The following MALRD1 variants were observed in gnomAD, a reference collection of about 807,000 sequenced individuals.
MALRD1 encodes the protein MAM and LDL receptor class A domain containing 1.
Under a neutral mutation model 242.1 loss-of-function variants are expected in MALRD1, and 247 were observed. That is an observed-to-expected ratio of 1.02 (90% confidence interval 0.92 to 1.13). The LOEUF (loss-of-function observed/expected upper bound fraction) is 1.13. MALRD1 is among the 50% of genes most tolerant of loss of function. The pLI, the probability that MALRD1 is intolerant of heterozygous loss-of-function variation, is 0.00. For missense variants in MALRD1, 2,989 were observed against 2,533.1 expected (o/e 1.18, Z -3.86); for synonymous variants, 995 against 866.6 (o/e 1.15, Z -2.60).
chr10:19,587,899 C>G (rs1837521352), intron 33 of MALRD1, among the ~76,000 whole-genome samples: 1 of 137,408 alleles, frequency 7.3e-6, no homozygotes, highest in Non-Finnish European at 1.6e-5. Context: ...TCCTAAATTC[C>G]TTATCCTAGG....
At chr10:19,674,263 G>C (rs987582474) in intron 36 of MALRD1, among the ~76,000 whole-genome samples, 6 of 152,160 alleles carry the variant, frequency 3.9e-5, no homozygotes, top group African/African-American at 1.4e-4. Flanking sequence ...TGGTTTGATA[G>C]GATATGATGC....
chr10:19,284,318 G>A (rs1840986959), intron 21 of MALRD1, among the ~76,000 whole-genome samples: 1 of 149,254 alleles, frequency 6.7e-6, no homozygotes, highest in Non-Finnish European at 1.5e-5. Context: ...CGTTACATAT[G>A]TATACATGTG....
At chr10:19,496,366 C>T (rs1837721107) in intron 30 of MALRD1, among the ~76,000 whole-genome samples, 1 of 152,074 alleles carries the variant, frequency 6.6e-6, no homozygotes, top group African/African-American at 2.4e-5. Flanking sequence ...TACCAACCAT[C>T]ACAGCACAAT....
intron 18 of MALRD1, among the ~76,000 whole-genome samples, chr10:19,214,182 TG>T (rs1288692693): frequency 6.6e-6 from 1 of 152,196 alleles, no homozygotes; most frequent in Non-Finnish European, 1.5e-5. Flanking sequence ...TGAGAGCTCA[TG>T]TCAACATGGT....
chr10:19,137,525 G>C (rs1291846109), intron 10 of MALRD1, among the ~76,000 whole-genome samples: 2 of 147,728 alleles, frequency 1.4e-5, no homozygotes, highest in Non-Finnish European at 3.0e-5. Context: ...AGAACTGCCT[G>C]AACATGGGAG....
chr10:19,666,344 G>A (rs1374659837), intron 36 of MALRD1, among the ~76,000 whole-genome samples: 1 of 151,838 alleles, frequency 6.6e-6, no homozygotes, highest in Admixed American at 6.6e-5. Flanking sequence ...TCACATTCTG[G>A]ACGTTGTCAT....
At chr10:19,296,588 A>T (rs551614542) in intron 21 of MALRD1, among the ~76,000 whole-genome samples, 1 of 152,240 alleles carries the variant, frequency 6.6e-6, no homozygotes, top group Admixed American at 6.6e-5. Flanking sequence ...AAGGAAATGG[A>T]TTTAAGGCAT....
chr10:19,718,143 GGAA>G (rs1834497695), intron 38 of MALRD1, among the ~76,000 whole-genome samples: 1 of 148,846 alleles, frequency 6.7e-6, no homozygotes, highest in South Asian at 2.1e-4. Context: ...AAGAGGAAGA[GGAA>G]GAAGAGGAAG....
chr10:19,456,131 T>C (rs1835636018), intron 29 of MALRD1, among the ~76,000 whole-genome samples: 1 of 152,000 alleles, frequency 6.6e-6, no homozygotes, highest in South Asian at 2.1e-4. Flanking sequence ...AGAGAATGTT[T>C]CCAGAATCTT....
At chr10:19,417,367 A>C (rs1390130573) in intron 28 of MALRD1, among the ~76,000 whole-genome samples, 1 of 152,122 alleles carries the variant, frequency 6.6e-6, no homozygotes, top group African/African-American at 2.4e-5. Flanking sequence ...TAATACTTTC[A>C]TGTGTATGTG....
intron 28 of MALRD1, among the ~76,000 whole-genome samples, chr10:19,434,697 A>G (rs1158011667): frequency 1.3e-5 from 2 of 152,012 alleles, no homozygotes; most frequent in African/African-American, 4.8e-5. Flanking sequence ...CCAGAAAACC[A>G]TCTACGTAGC....
intron 36 of MALRD1, among the ~76,000 whole-genome samples, chr10:19,663,146 T>C (rs755728953): frequency 2.0e-5 from 3 of 152,252 alleles, no homozygotes; most frequent in South Asian, 2.1e-4. Context: ...TTGCACCCAA[T>C]TGGTAATTTT....
At chr10:19,503,072 C>T (rs1161651988) in intron 31 of MALRD1, among the ~76,000 whole-genome samples, 1 of 152,072 alleles carries the variant, frequency 6.6e-6, no homozygotes, top group Non-Finnish European at 1.5e-5. Flanking sequence ...AGCAGTAATT[C>T]TGACAGAATA....
intron 5 of MALRD1, among the ~76,000 whole-genome samples, chr10:19,105,892 A>C (rs1257135219): frequency 6.6e-6 from 1 of 151,586 alleles, no homozygotes; most frequent in Non-Finnish European, 1.5e-5. Context: ...AGTTGTTTTG[A>C]GTTTCTTATA....
At chr10:19,283,306 G>C in intron 21 of MALRD1, 125 bp downstream of exon 21, 2 of 819,684 alleles carry the variant, frequency 2.4e-6, no homozygotes, top group Non-Finnish European at 1.7e-6. Flanking sequence ...AGTTGAAAAG[G>C]AGGCTGTTTT....
At chr10:19,186,315 C>T (rs1371963830) in intron 14 of MALRD1, among the ~76,000 whole-genome samples, 4 of 152,266 alleles carry the variant, frequency 2.6e-5, no homozygotes, top group Middle Eastern at 3.4e-3. Context: ...GAGGTTGTTT[C>T]TGGTGAAGGC....
At chr10:19,450,516 T>C in intron 29 of MALRD1, 26 bp downstream of exon 29, 2 of 1,527,066 alleles carry the variant, frequency 1.3e-6, no homozygotes, top group Non-Finnish European at 1.8e-6. Flanking sequence ...GCACTTCCAT[T>C]TGGAAGCACA....
intron 33 of MALRD1, among the ~76,000 whole-genome samples, chr10:19,570,232 T>G (rs775795871): frequency 3.3e-5 from 5 of 152,038 alleles, no homozygotes; most frequent in Non-Finnish European, 5.9e-5. Flanking sequence ...CAGCACGACT[T>G]CATTATTGAT....
At chr10:19,309,594 TG>T (rs1351247207) in intron 21 of MALRD1, among the ~76,000 whole-genome samples, 1 of 151,544 alleles carries the variant, frequency 6.6e-6, no homozygotes, top group Non-Finnish European at 1.5e-5. Flanking sequence ...AAGTAGAGAC[TG>T]TGTGAACAGG....
Sources: gnomAD v4.1 joint callset for allele counts (sites outside exome capture counted in the v4.1 genomes callset) on GRCh38, gnomAD v4.1.1 for gene constraint, MANE v1.5 for transcripts, NCBI Gene and HGNC (gene_info 2026-07-23, HGNC 2026-07-21) for gene names.